Variants in GALNT13 observed in about 807,000 individuals in gnomAD.
GALNT13 encodes polypeptide N-acetylgalactosaminyltransferase 13, also known as UDP-GalNAc:polypeptide N-acetylgalactosaminyltransferase 13.
A neutral mutation model predicts 64.2 loss-of-function variants in GALNT13; 28 were observed. The observed-to-expected ratio is 0.44, with a 90% CI of 0.32 to 0.60. The LOEUF (loss-of-function observed/expected upper bound fraction) is 0.60. Ranked by LOEUF, GALNT13 falls within the 20% of genes least tolerant of loss-of-function variation. The pLI is 0.05. For missense variants in GALNT13, 577 were observed against 669.8 expected (o/e 0.86, Z 1.53); for synonymous variants, 214 against 224.6 (o/e 0.95, Z 0.42).
intron 11 of GALNT13, among the ~76,000 whole-genome samples, chr2:154,414,314 G>T (rs564225400): frequency 6.6e-6 from 1 of 152,002 alleles, no homozygotes; most frequent in Non-Finnish European, 1.5e-5. Flanking sequence ...GATCTTTGAA[G>T]TAGATAGTGT....
chr2:153,938,611 C>T (rs1691116133), intron 2 of GALNT13, among the ~76,000 whole-genome samples: 1 of 152,184 alleles, frequency 6.6e-6, no homozygotes, highest in Admixed American at 6.5e-5. Context: ...GTGCCTTAAA[C>T]AACAGAAATA....
intron 3 of GALNT13, among the ~76,000 whole-genome samples, chr2:154,000,536 C>A (rs910112973): frequency 1.3e-5 from 2 of 151,860 alleles, no homozygotes; most frequent in African/African-American, 4.8e-5. Flanking sequence ...AGAATTTTTA[C>A]ACTAAAAATA....
At chr2:154,126,893 G>A (rs1234036589) in intron 3 of GALNT13, among the ~76,000 whole-genome samples, 1 of 151,978 alleles carries the variant, frequency 6.6e-6, no homozygotes, top group Non-Finnish European at 1.5e-5. Context: ...AGAGGCCAGA[G>A]TGAAGAAATA....
At chr2:153,192,445 C>G in the GALNT13 span, among the ~76,000 whole-genome samples, 1 of 151,938 alleles carries the variant, frequency 6.6e-6, no homozygotes, top group Admixed American at 6.6e-5. Flanking sequence ...GTTTTGTGGC[C>G]TAACATGTGG....
At chr2:153,666,031 G>T in the GALNT13 span, among the ~76,000 whole-genome samples, 2 of 152,114 alleles carry the variant, frequency 1.3e-5, no homozygotes, top group Non-Finnish European at 2.9e-5. Context: ...ATGGGATGAG[G>T]TTAGTATGAT....
the GALNT13 span, among the ~76,000 whole-genome samples, chr2:153,783,296 A>C: frequency 6.6e-6 from 1 of 152,324 alleles, no homozygotes; most frequent in African/African-American, 2.4e-5. Flanking sequence ...GAAGCCAAGG[A>C]AAGAAAAATC....
intron 1 of GALNT13, among the ~76,000 whole-genome samples, chr2:153,888,339 A>T (rs567594866): frequency 2.0e-5 from 3 of 152,172 alleles, no homozygotes; most frequent in African/African-American, 7.2e-5. Flanking sequence ...AGTTATTTTT[A>T]AAAATGGTGG....
At chr2:154,332,478 G>A (rs932026426) in intron 9 of GALNT13, among the ~76,000 whole-genome samples, 2 of 151,762 alleles carry the variant, frequency 1.3e-5, no homozygotes, top group African/African-American at 4.8e-5. Context: ...CATGATGGGT[G>A]GTCTATAAAG....
chr2:153,964,461 A>C (rs1024590817), intron 3 of GALNT13, among the ~76,000 whole-genome samples: 3 of 152,176 alleles, frequency 2.0e-5, no homozygotes, highest in Non-Finnish European at 4.4e-5. Flanking sequence ...AGCAAAAAAA[A>C]GAACAGCATT....
At chr2:153,694,814 G>C in the GALNT13 span, among the ~76,000 whole-genome samples, 1 of 152,128 alleles carries the variant, frequency 6.6e-6, no homozygotes, top group Non-Finnish European at 1.5e-5. Flanking sequence ...GAATGTCTAA[G>C]ATACTATGTC....
the GALNT13 span, among the ~76,000 whole-genome samples, chr2:153,275,973 A>G: frequency 6.6e-6 from 1 of 152,162 alleles, no homozygotes; most frequent in African/African-American, 2.4e-5. Context: ...TATTTTTTAA[A>G]CTTTGCCAAA....
chr2:153,983,680 G>T (rs540576080), intron 3 of GALNT13, among the ~76,000 whole-genome samples: 3 of 151,980 alleles, frequency 2.0e-5, no homozygotes, highest in South Asian at 2.1e-4. Flanking sequence ...TAGTGACAAA[G>T]AATTTGAGTG....
At chr2:153,352,650 A>C in the GALNT13 span, among the ~76,000 whole-genome samples, 2 of 152,118 alleles carry the variant, frequency 1.3e-5, no homozygotes, top group African/African-American at 4.8e-5. Context: ...TAAGGTCTGC[A>C]TCTAGAATCA....
Position 154,409,057 on chromosome 2 carries a change from A to T in GALNT13, c.1370A>T (p.Asn457Ile), listed in dbSNP as rs149633110. Reference sequence around the variant, plus strand: ...GAAAATGAAAAAGTGGGTATATTCAACTGTCATGGTATGGGAGGAAATCAG... The same window carrying T: ...GAAAATGAAAAAGTGGGTATATTCATCTGTCATGGTATGGGAGGAAATCAG... ...RKENEKVGIFNCHGMGGNQVF... is the reference protein window; with the variant it reads ...RKENEKVGIFICHGMGGNQVF... Residue 457 changes from asparagine to isoleucine, a missense_variant, in exon 11 of 13, where the codon AAC becomes ATC. This residue lies in a region of GALNT13 where 232 missense variants were observed against 270.6 expected (regional missense o/e 0.86). Transcript: ENST00000392825. The T allele has an allele frequency of 6.2e-7, 1 of 1,609,332 alleles. No homozygotes were observed. Among genetic ancestry groups the T allele is most frequent in the African/African-American group, 1.3e-5 (1 of 74,890 alleles).
the GALNT13 span, among the ~76,000 whole-genome samples, chr2:153,076,312 C>T: frequency 6.6e-6 from 1 of 151,930 alleles, no homozygotes; most frequent in African/African-American, 2.4e-5. Flanking sequence ...CCATTTTTTT[C>T]CTTTCTTGCT....
chr2:154,071,095 C>G (rs1000929817), intron 3 of GALNT13, among the ~76,000 whole-genome samples: 2 of 152,088 alleles, frequency 1.3e-5, no homozygotes, highest in African/African-American at 4.8e-5. Flanking sequence ...CAGGGCCATA[C>G]TAATTTGCTA....
At chr2:153,271,764 T>A in the GALNT13 span, among the ~76,000 whole-genome samples, 1 of 152,188 alleles carries the variant, frequency 6.6e-6, no homozygotes, top group South Asian at 2.1e-4. Context: ...TAGAAAACAC[T>A]ACTTTAAATT....
rs560018363 is a variant in GALNT13 at position 154,272,236 on chromosome 2, AC to A, written c.975+13099del. On this transcript the variant is annotated intron_variant, in intron 8 of 12. Coordinates refer to ENST00000392825, the MANE Select transcript of GALNT13 (RefSeq NM_052917.4). Reference sequence around the variant, plus strand: ...ATAAAGGTACACACAAGAAAAATAAACAATTAACTTCTGAACCATGATAAAA... The same window carrying A: ...ATAAAGGTACACACAAGAAAAATAAAAATTAACTTCTGAACCATGATAAAA... Among the ~76,000 whole-genome samples, 7 of 152,174 alleles carry A rather than the reference AC, an allele frequency of 4.6e-5. No homozygotes were observed. The East Asian group carries it at 1.4e-3, about 29-fold the overall frequency.
At chr2:153,867,818 A>G (rs972747252), upstream of GALNT13, among the ~76,000 whole-genome samples, 4 of 151,848 alleles carry the variant, frequency 2.6e-5, no homozygotes, top group South Asian at 2.1e-4. Flanking sequence ...TAGGGTTCAC[A>G]CTCCTAAGAG....
Sources: gnomAD v4.1 joint callset for allele counts (sites outside exome capture counted in the v4.1 genomes callset) on GRCh38, gnomAD v4.1.1 for gene constraint, gnomAD v4.1.1 regional missense constraint, MANE v1.5 for transcripts, NCBI Gene and HGNC (gene_info 2026-07-23, HGNC 2026-07-21) for gene names.